The following ARHGAP32 variants were observed in gnomAD, a reference collection of about 807,000 sequenced individuals.
ARHGAP32 encodes rho GTPase-activating protein 32.
ARHGAP32 carries 51 observed loss-of-function variants against 186.5 expected under a neutral mutation model. The observed-to-expected ratio is 0.27, with a 90% confidence interval of 0.22 to 0.35. ARHGAP32 has a LOEUF of 0.35. Ranked by LOEUF, ARHGAP32 falls within the 10% of genes least tolerant of loss-of-function variation. The probability of loss-of-function intolerance (pLI) is 1.00; values close to 1 mark genes in which losing one functional copy is unlikely to be tolerated. For synonymous variants in ARHGAP32, 950 were observed against 964.3 expected (o/e 0.99, Z 0.27); for missense variants, 2,186 against 2,623.5 (o/e 0.83, Z 3.64).
intron 10 of ARHGAP32, among the ~76,000 whole-genome samples, chr11:129,048,911 A>G (rs1461972926): frequency 2.0e-5 from 3 of 152,206 alleles, no homozygotes. Flanking sequence ...AGTAGAAAAA[A>G]GCAACTTGTG....
At chr11:129,219,532 A>C (rs989735014) in intron 1 of ARHGAP32, among the ~76,000 whole-genome samples, 3 of 152,188 alleles carry the variant, frequency 2.0e-5, no homozygotes, top group African/African-American at 7.2e-5. Flanking sequence ...TAAGCAGCAC[A>C]CAAGAGTAGA....
At chr11:128,977,721 G>C (rs935465218) in intron 19 of ARHGAP32, among the ~76,000 whole-genome samples, 12 of 151,918 alleles carry the variant, frequency 7.9e-5, no homozygotes, top group African/African-American at 2.9e-4. Context: ...TTGTCATCCA[G>C]GCTGGAGTGC....
At chr11:129,045,067 C>T (rs1274512688) in intron 10 of ARHGAP32, among the ~76,000 whole-genome samples, 1 of 152,186 alleles carries the variant, frequency 6.6e-6, no homozygotes, top group African/African-American at 2.4e-5. Context: ...GGTAGATCTA[C>T]AGTAGGCTCA....
At chr11:129,091,997 C>T (rs1229292134) in intron 6 of ARHGAP32, among the ~76,000 whole-genome samples, 1 of 151,970 alleles carries the variant, frequency 6.6e-6, no homozygotes, top group Non-Finnish European at 1.5e-5. Context: ...AGAACAGGTG[C>T]AAATGCATTA....
At chr11:129,084,932 T>C (rs186697955) in intron 6 of ARHGAP32, among the ~76,000 whole-genome samples, 31 of 152,212 alleles carry the variant, frequency 2.0e-4, no homozygotes, top group Admixed American at 1.7e-3. Flanking sequence ...AATAAATGAT[T>C]TATAGCAAGG....
chr11:129,252,529 T>C (rs1007813545), intron 1 of ARHGAP32, among the ~76,000 whole-genome samples: 1 of 152,028 alleles, frequency 6.6e-6, no homozygotes, highest in African/African-American at 2.4e-5. Context: ...AGTAAAACAG[T>C]CCAGTAAAGC....
intron 11 of ARHGAP32, among the ~76,000 whole-genome samples, chr11:129,002,183 G>T (rs1946377772): frequency 6.6e-6 from 1 of 152,016 alleles, no homozygotes; most frequent in African/African-American, 2.4e-5. Context: ...GTTTGGTCTG[G>T]GTAATATGGA....
intron 1 of ARHGAP32, among the ~76,000 whole-genome samples, chr11:129,262,828 T>C (rs934202662): frequency 6.6e-6 from 1 of 152,222 alleles, no homozygotes; most frequent in East Asian, 1.9e-4. Flanking sequence ...TTTATTTTAC[T>C]GTACCAAATA....
intron 15 of ARHGAP32, among the ~76,000 whole-genome samples, chr11:128,982,891 TAAA>T (rs34630708): frequency 2.3e-4 from 15 of 66,430 alleles, no homozygotes; most frequent in East Asian, 8.6e-4. Flanking sequence ...ACCTTGTCTT[TAAA>T]AAAAAAAAAA....
intron 1 of ARHGAP32, among the ~76,000 whole-genome samples, chr11:129,259,874 GTTTT>G: frequency 6.6e-6 from 1 of 152,206 alleles, no homozygotes; most frequent in Admixed American, 6.5e-5. Flanking sequence ...CTTTTTGTTT[GTTTT>G]GTTTTTTGTT....
chr11:129,138,311 A>C (rs1241483305), intron 2 of ARHGAP32, among the ~76,000 whole-genome samples: 26 of 117,396 alleles, frequency 2.2e-4, no homozygotes, highest in African/African-American at 7.7e-4. Flanking sequence ...AAAAAAAAAA[A>C]AAAAGAACAA....
intron 1 of ARHGAP32, among the ~76,000 whole-genome samples, chr11:129,243,565 G>T (rs1037466127): frequency 2.0e-5 from 3 of 152,192 alleles, no homozygotes; most frequent in African/African-American, 7.2e-5. Flanking sequence ...CTAAAACATA[G>T]TTCTCATCAA....
At chr11:129,029,831 T>TAGGA (rs1374171715) in intron 11 of ARHGAP32, among the ~76,000 whole-genome samples, 4 of 73,956 alleles carry the variant, frequency 5.4e-5, no homozygotes. Flanking sequence ...AAAAAACGGG[T>TAGGA]AGGAAGGGGA....
chr11:129,225,852 TA>T (rs2135623771), intron 1 of ARHGAP32, among the ~76,000 whole-genome samples: 1 of 152,216 alleles, frequency 6.6e-6, no homozygotes, highest in African/African-American at 2.4e-5. Context: ...TTCAAAGAAC[TA>T]AAGGAAACTG....
At chr11:129,187,577 C>T (rs1435955051) in intron 1 of ARHGAP32, among the ~76,000 whole-genome samples, 1 of 151,410 alleles carries the variant, frequency 6.6e-6, no homozygotes. Flanking sequence ...ATGGATATCC[C>T]ATCATGAGGG....
intron 15 of ARHGAP32, among the ~76,000 whole-genome samples, chr11:128,983,505 G>T (rs910880345): frequency 2.7e-5 from 4 of 147,480 alleles, no homozygotes; most frequent in East Asian, 2.0e-4. Flanking sequence ...GGGGTGGGGG[G>T]AAGGGGGAGG....
chr11:129,155,749 A>T (rs963268071), intron 2 of ARHGAP32, among the ~76,000 whole-genome samples: 2 of 152,048 alleles, frequency 1.3e-5, no homozygotes, highest in African/African-American at 2.4e-5. Flanking sequence ...ATAGTTGCTT[A>T]AAGAGTTGAT....
intron 2 of ARHGAP32, among the ~76,000 whole-genome samples, chr11:129,159,846 A>G (rs1329121410): frequency 1.3e-5 from 2 of 152,252 alleles, no homozygotes; most frequent in Non-Finnish European, 2.9e-5. Flanking sequence ...CACCAAATCC[A>G]GGAGCACATT....
chr11:129,036,072 T>C (rs1939320703), intron 11 of ARHGAP32, among the ~76,000 whole-genome samples: 1 of 151,994 alleles, frequency 6.6e-6, no homozygotes, highest in Non-Finnish European at 1.5e-5. Flanking sequence ...TGAAGTGTCA[T>C]TTCTCCATTC....
Sources: allele counts gnomAD v4.1 joint callset (sites outside exome capture counted in the v4.1 genomes callset), GRCh38; gene constraint gnomAD v4.1.1; transcripts MANE v1.5; gene names NCBI Gene and HGNC (gene_info 2026-07-23, HGNC 2026-07-21).